Variants in LMOD2 observed in about 807,000 individuals in gnomAD.
LMOD2 encodes the protein leiomodin-2.
In LMOD2, 27 loss-of-function variants were observed where a neutral mutation model predicts 41.7. The observed-to-expected ratio is 0.65, with a 90% CI of 0.48 to 0.89. The LOEUF is 0.89. Among genes scored for constraint, LMOD2 ranks in the 40% least tolerant of loss-of-function variants. The pLI is 0.00. For missense variants in LMOD2, 624 were observed against 667.9 expected (o/e 0.93, Z 0.72); for synonymous variants, 251 against 244.6 (o/e 1.03, Z -0.25).
At position 123,662,076 on chromosome 7, in the gene LMOD2, A is replaced by G. The variant is rs767075138; in HGVS notation, c.490A>G (p.Lys164Glu). The G allele has an allele frequency of 2.5e-6, 4 of 1,607,032 alleles. No individual in the cohort carries two copies. The South Asian group carries it at 4.5e-5, about 18-fold the overall frequency. The change falls in exon 2 of 3, where the codon AAG becomes GAG. Residue 164 changes from lysine to glutamate, a missense_variant. Physicochemically the swap from Lys to Glu is moderately conservative, Grantham distance 56. Transcript: ENST00000458573. The surrounding 1 kb of genome is among the most constrained non-coding windows in gnomAD (Gnocchi z 4.0). Reference protein sequence around the residue: ...DSVNSDNSKPKIFKSQIENIN... With the variant: ...DSVNSDNSKPEIFKSQIENIN... ...TGTCAATTCTGACAACTCTAAGCCA[A>G]AGATATTTAAAAGTCAAATAGAGAA...
rs756146809 is a variant in LMOD2, at chr7:123,661,929, G to A, written c.343G>A (p.Glu115Lys). The A allele has an allele frequency of 6.4e-7, 1 of 1,552,432 alleles. No individual in the cohort carries two copies. The highest frequency in any genetic ancestry group is 1.2e-5 in the South Asian group (1 of 83,772). Residue 115 changes from glutamate to lysine, a missense_variant, in exon 2 of 3, where the codon GAA (glutamate) becomes AAA (lysine). Coordinates refer to ENST00000458573, the MANE Select transcript of LMOD2 (RefSeq NM_207163.3). ...TGAAAGTAACAGTGAGGTTTCTGAG[G>A]AAGTGTATACAGAGGAGGAGGAGGA... ...FTESNSEVSE[E>K]VYTEEEEEES...
Position 123,663,103 on chromosome 7 carries a change from A to T in LMOD2, c.1517A>T (p.Lys506Met). 1.3e-6 allele frequency: 2 copies of T among 1,563,004 alleles called. No homozygotes were observed. Among genetic ancestry groups the T allele is most frequent in the Non-Finnish European group, 1.7e-6 (2 of 1,153,460 alleles). The part of the protein sequence containing the change: ...IKNSLRSVQE[K>M]KMEDSSRPST... ...AATTCTCTGAGGTCAGTGCAAGAGA[A>T]GAAAATGGAAGACAGTTCCCGACCT... is the stretch of plus-strand genomic sequence containing the variant. Residue 506 changes from lysine (K) to methionine (M), a missense_variant, in exon 2 of 3, where the codon AAG becomes ATG. By Grantham distance (95) the Lys-to-Met change is moderately conservative. Coordinates refer to ENST00000458573, the MANE Select transcript of LMOD2 (RefSeq NM_207163.3).
At position 123,656,124 on chromosome 7, in the gene LMOD2, G is replaced by A; in HGVS notation, c.161G>A (p.Ser54Asn). Residue 54 changes from serine to asparagine, a missense_variant, in exon 1 of 3, where the codon AGC becomes AAC. Ser to Asn is a conservative substitution (Grantham distance 46). Transcript: ENST00000458573. ...CTTCCCGTGGGGCTAAGGCAAAAGA[G>A]CCTGACAGAGAAAACCCCCACAGGG... ...RNLPVGLRQK[S>N]LTEKTPTGTF... The A allele has an allele frequency of 6.2e-7, 1 of 1,610,408 alleles. No individual in the cohort carries two copies. Among genetic ancestry groups the A allele is most frequent in the Non-Finnish European group, 8.5e-7 (1 of 1,178,326 alleles).
In LMOD2 at chr7:123,662,512, T is replaced by C. The variant is rs2116738092; in HGVS notation, c.926T>C (p.Ile309Thr). The change falls in exon 2 of 3, where the codon ATC becomes ACC. Residue 309 changes from isoleucine to threonine, a missense_variant. Transcript: ENST00000458573. The surrounding 1 kb of genome is among the most constrained non-coding windows in gnomAD (Gnocchi z 4.0). The part of the protein sequence containing the change: ...TELRFHNQRH[I>T]MGSQVEMEIV... ...CTGCGTTTCCATAACCAGAGGCACA[T>C]CATGGGCAGCCAGGTGGAAATGGAG... 1.9e-6 allele frequency: 3 copies of C among 1,613,830 alleles called. No homozygotes were observed. The highest frequency in any genetic ancestry group is 2.5e-6 in the Non-Finnish European group (3 of 1,179,888).
Position 123,662,749 on chromosome 7 carries a change from C to T in LMOD2, c.1163C>T (p.Ser388Leu). ...KVWQRGTPSS[S>L]PYVSPRHSPW... ...TGGCAAAGAGGAACACCTAGCTCTT[C>T]ACCTTATGTATCTCCCAGGCACTCA... Residue 388 changes from serine (S) to leucine (L), a missense_variant, in exon 2 of 3, where the codon TCA becomes TTA. Physicochemically the swap from Ser to Leu is moderately radical, Grantham distance 145. Transcript: ENST00000458573. The surrounding 1 kb of genome is among the most constrained non-coding windows in gnomAD (Gnocchi z 4.0). The T allele has an allele frequency of 6.2e-7, 1 of 1,613,966 alleles. No individual in the cohort carries two copies. Among genetic ancestry groups the T allele is most frequent in the South Asian group, 1.1e-5 (1 of 91,070 alleles).
rs572707876 is a variant in LMOD2 at position 123,656,075 on chromosome 7, G to C, written c.112G>C (p.Glu38Gln). ...EELKELEREL[E>Q]DIEPDRNLPV... ...GCTGAAGGAGCTAGAGAGAGAGTTG[G>C]AAGACATTGAACCTGACCGCAACCT... Residue 38 changes from glutamate to glutamine, a missense_variant, in exon 1 of 3, where the codon GAA (glutamate) becomes CAA (glutamine). Transcript: ENST00000458573. 1.2e-6 allele frequency: 2 copies of C among 1,612,174 alleles called. No individual in the cohort carries two copies. The highest frequency in any genetic ancestry group is 1.7e-6 in the Non-Finnish European group (2 of 1,179,158).
Position 123,664,233 on chromosome 7 carries a change from A to C in LMOD2, c.*488A>C, listed in dbSNP as rs1198908560. ...TTTTCTGTGAGTTAATACATCTGTCAGGTGTGTATGTAACATTACTGGACA... is the reference window on the plus strand; with the variant it reads ...TTTTCTGTGAGTTAATACATCTGTCCGGTGTGTATGTAACATTACTGGACA... On this transcript the variant is annotated 3_prime_UTR_variant, in exon 3 of 3. Coordinates refer to ENST00000458573, the MANE Select transcript of LMOD2 (RefSeq NM_207163.3). 1.3e-5 allele frequency: 2 copies of C among 154,534 alleles called. No homozygotes were observed. The highest frequency in any genetic ancestry group is 2.9e-5 in the Non-Finnish European group (2 of 69,828). The allele number at this position is 154,534 out of a possible 1,614,324, so 9.6% of individuals were successfully genotyped here. A position where few individuals can be genotyped will look rare whatever the true frequency, so the allele number is the denominator to read the frequency against.
chr7:123,659,150 G>A (rs529121680), intron 1 of LMOD2, among the ~76,000 whole-genome samples: 8 of 152,082 alleles, frequency 5.3e-5, no homozygotes, highest in Admixed American at 2.6e-4. Context: ...AGAAACAACC[G>A]GCCACTCTTC....
chr7:123,656,956 C>T (rs555808263), intron 1 of LMOD2, among the ~76,000 whole-genome samples: 2 of 152,198 alleles, frequency 1.3e-5, no homozygotes, highest in South Asian at 4.1e-4. Context: ...CAAAATACAC[C>T]AACTTTTGCA....
Position 123,662,716 on chromosome 7 carries a change from C to A in LMOD2, c.1130C>A (p.Thr377Asn), listed in dbSNP as rs760563673. ...TACGATGGAGGACCCAATCTTAGGA[C>A]CAAAGTCTGGCAAAGAGGAACACCT... Reference protein sequence around the residue: ...EGYDGGPNLRTKVWQRGTPSS... With the variant: ...EGYDGGPNLRNKVWQRGTPSS... Residue 377 changes from threonine (T) to asparagine (N), a missense_variant, in exon 2 of 3, where the codon ACC becomes AAC. Physicochemically the swap from Thr to Asn is moderately conservative, Grantham distance 65 (BLOSUM62 0). Transcript: ENST00000458573. This position sits in a 1 kb window ranked among gnomAD's most constrained non-coding sequence, Gnocchi z 4.0. The A allele has an allele frequency of 1.2e-6, 2 of 1,613,980 alleles. No individual in the cohort carries two copies. Among genetic ancestry groups the A allele is most frequent in the South Asian group, 1.1e-5 (1 of 91,082 alleles).
Position 123,656,033 on chromosome 7 carries a change from T to G in LMOD2, c.70T>G (p.Ser24Ala). 1 of 1,610,776 alleles carries G rather than the reference T, an allele frequency of 6.2e-7. No individual in the cohort carries two copies. Among genetic ancestry groups the G allele is most frequent in the Middle Eastern group, 1.7e-4 (1 of 6,060 alleles). Residue 24 changes from serine to alanine, a missense_variant, in exon 1 of 3, where the codon TCC becomes GCC. Coordinates refer to ENST00000458573, the MANE Select transcript of LMOD2 (RefSeq NM_207163.3). ...ESIDEDELLA[S>A]LSAEELKELE... Reference sequence around the variant, plus strand: ...CATCGACGAGGATGAACTCCTCGCCTCCCTGTCAGCCGAGGAGCTGAAGGA... The same window carrying G: ...CATCGACGAGGATGAACTCCTCGCCGCCCTGTCAGCCGAGGAGCTGAAGGA...
rs1464889390 is a variant in LMOD2, at chr7:123,655,935, C to A, written c.-29C>A. 6.3e-7 allele frequency: 1 copy of A among 1,575,272 alleles called. No individual in the cohort carries two copies. Among genetic ancestry groups the A allele is most frequent in the Non-Finnish European group, 8.6e-7 (1 of 1,162,308 alleles). On this transcript the variant is annotated 5_prime_UTR_variant, in exon 1 of 3. Coordinates refer to ENST00000458573, the MANE Select transcript of LMOD2 (RefSeq NM_207163.3). ...CGCCTTGAATGCCTGGTCCTTCAAG[C>A]TCCTTCTGGGTCTGACAAAGCAGGG... is the stretch of plus-strand genomic sequence containing the variant.
rs368962130 is a variant in LMOD2, at chr7:123,662,445, G to A, written c.859G>A (p.Ala287Thr). 25 of 1,613,834 alleles carry A rather than the reference G, an allele frequency of 1.5e-5. No homozygotes were observed. Among genetic ancestry groups the A allele is most frequent in the Middle Eastern group, 1.6e-4 (1 of 6,084 alleles). Residue 287 changes from alanine to threonine, a missense_variant, in exon 2 of 3, where the codon GCC becomes ACC. Ala to Thr is a moderately conservative substitution (Grantham distance 58). Transcript: ENST00000458573. This position sits in a 1 kb window ranked among gnomAD's most constrained non-coding sequence, Gnocchi z 4.0. Reference protein sequence around the residue: ...SNFITGKGILAIMRALQHNTV... With the variant: ...SNFITGKGILTIMRALQHNTV... ...CTTCATAACGGGAAAGGGGATCCTGGCCATCATGAGAGCTCTCCAGCACAA... is the reference window on the plus strand; with the variant it reads ...CTTCATAACGGGAAAGGGGATCCTGACCATCATGAGAGCTCTCCAGCACAA...
At position 123,663,753 on chromosome 7, in the gene LMOD2, A is replaced by T; in HGVS notation, c.*8A>T. On this transcript the variant is annotated 3_prime_UTR_variant, in exon 3 of 3. Transcript: ENST00000458573. ...CCAGAAGCCCTGCGATAAAAACATG[A>T]TCTTTAGAAGAGGATGCAGAACTGT... The T allele has an allele frequency of 6.4e-7, 1 of 1,574,146 alleles. No individual in the cohort carries two copies.
Position 123,663,337 on chromosome 7 carries a change from A to G in LMOD2, c.1617+134A>G. The G allele has an allele frequency of 3.5e-6, 4 of 1,143,042 alleles. No homozygotes were observed. In the South Asian group the frequency reaches 6.8e-5, roughly 19 times the overall value. 70.8% of individuals were successfully genotyped at this position (1,143,042 alleles called of 1,614,324 possible). A position where few individuals can be genotyped will look rare whatever the true frequency, so the allele number is the denominator to read the frequency against. On this transcript the variant is annotated intron_variant, in intron 2 of 2. Coordinates refer to ENST00000458573, the MANE Select transcript of LMOD2 (RefSeq NM_207163.3). ...TATTTTAGTATGCGAGAGCAAACAC[A>G]CCAAGTTTGAAACATTAGGAGCAGG...
chr7:123,662,602 G>A lies in LMOD2; in HGVS notation c.1016G>A (p.Gly339Glu), dbSNP rs866335897. The change falls in exon 2 of 3, where the codon GGA (glycine) becomes GAA (glutamate). Residue 339 changes from glycine (G) to glutamate (E), a missense_variant. Transcript: ENST00000458573. This position sits in a 1 kb window ranked among gnomAD's most constrained non-coding sequence, Gnocchi z 4.0. ...LRLGYHFELP[G>E]PRMSMTSILT... Reference sequence around the variant, plus strand: ...CTGGGATACCATTTTGAACTCCCAGGACCAAGAATGAGCATGACGAGCATT... The same window carrying A: ...CTGGGATACCATTTTGAACTCCCAGAACCAAGAATGAGCATGACGAGCATT... 1 of 1,613,968 alleles carries A rather than the reference G, an allele frequency of 6.2e-7. No homozygotes were observed. Among genetic ancestry groups the A allele is most frequent in the East Asian group, 2.2e-5 (1 of 44,864 alleles).
At chr7:123,657,468 C>A (rs1030382361) in intron 1 of LMOD2, among the ~76,000 whole-genome samples, 1 of 152,090 alleles carries the variant, frequency 6.6e-6, no homozygotes, top group African/African-American at 2.4e-5. Flanking sequence ...GCAGGAAGGG[C>A]CACTGGGATC....
intron 1 of LMOD2, among the ~76,000 whole-genome samples, chr7:123,656,449 G>A (rs1397630248): frequency 6.6e-6 from 1 of 152,146 alleles, no homozygotes; most frequent in East Asian, 1.9e-4. Context: ...CTTAATTGGG[G>A]CTCTTTGATT....
rs758217899 is a variant in LMOD2 at position 123,662,800 on chromosome 7, A to G, written c.1214A>G (p.Lys405Arg). 7 of 1,613,322 alleles carry G rather than the reference A, an allele frequency of 4.3e-6. No homozygotes were observed. The highest frequency in any genetic ancestry group is 1.7e-4 in the Middle Eastern group (1 of 6,046). Reference sequence around the variant, plus strand: ...CCCTGGTCATCCCCAAAACTCCCCAAAAAAGTCCAGACTGTGAGGAGCCGT... The same window carrying G: ...CCCTGGTCATCCCCAAAACTCCCCAGAAAAGTCCAGACTGTGAGGAGCCGT... ...HSPWSSPKLPKKVQTVRSRPL... is the reference protein window; with the variant it reads ...HSPWSSPKLPRKVQTVRSRPL... The change falls in exon 2 of 3, where the codon AAA becomes AGA. Residue 405 changes from lysine to arginine, a missense_variant. By Grantham distance (26) the Lys-to-Arg change is conservative. Coordinates refer to ENST00000458573, the MANE Select transcript of LMOD2 (RefSeq NM_207163.3). This position sits in a 1 kb window ranked among gnomAD's most constrained non-coding sequence, Gnocchi z 4.0.
Sources: allele counts gnomAD v4.1 joint callset (sites outside exome capture counted in the v4.1 genomes callset), GRCh38; gene constraint gnomAD v4.1.1; non-coding constraint Gnocchi (gnomAD v3.1); transcripts MANE v1.5; gene names NCBI Gene and HGNC (gene_info 2026-07-23, HGNC 2026-07-21).